Variants in TPD52 observed in about 807,000 individuals in gnomAD.
The protein encoded by TPD52 is prostate and colon associated protein.
Under a neutral mutation model 31.3 loss-of-function variants are expected in TPD52, and 17 were observed. That is an observed-to-expected ratio of 0.54 (90% CI 0.37 to 0.82). TPD52 has a LOEUF of 0.82. TPD52 is among the 40% of genes least tolerant of loss of function. The pLI is 0.00. For synonymous variants in TPD52, 83 were observed against 89.6 expected, an observed-to-expected ratio of 0.93 and a Z score of 0.42; for missense variants, 212 against 240.1, an observed-to-expected ratio of 0.88 and a Z score of 0.77.
intron 1 of TPD52, among the ~76,000 whole-genome samples, chr8:80,164,816 G>A (rs1336242447): frequency 6.1e-5 from 9 of 147,742 alleles, no homozygotes; most frequent in Middle Eastern, 3.6e-3. Flanking sequence ...CTGGGAGGCA[G>A]AGGTTGCAGT....
chr8:80,041,375 C>A (rs144334995), intron 7 of TPD52, among the ~76,000 whole-genome samples: 1 of 152,124 alleles, frequency 6.6e-6, no homozygotes, highest in Non-Finnish European at 1.5e-5. Context: ...AGATGCATTT[C>A]GTGACTCAAA....
chr8:80,137,813 C>T (rs1477410783), intron 1 of TPD52, among the ~76,000 whole-genome samples: 1 of 152,160 alleles, frequency 6.6e-6, no homozygotes, highest in East Asian at 1.9e-4. Flanking sequence ...GTAGGGTGGC[C>T]TGTAATTCCA....
In TPD52 at chr8:80,053,372, G is replaced by T. The variant is rs200095834; in HGVS notation, c.194C>A (p.Ala65Glu). Reference sequence around the variant, plus strand: ...GATTCCAAGTTTCCGCTTGATCTCTGCTAGATGCTTCTCTTTTGCTGCTAA... The same window carrying T: ...GATTCCAAGTTTCCGCTTGATCTCTTCTAGATGCTTCTCTTTTGCTGCTAA... ...QVLAAKEKHL[A>E]EIKRKLGINS... Residue 65 changes from alanine (A) to glutamate (E), a missense_variant, in exon 3 of 8, where the codon GCA becomes GAA. Transcript: ENST00000518937. The T allele has an allele frequency of 1.2e-6, 2 of 1,613,702 alleles. No individual in the cohort carries two copies. Among genetic ancestry groups the T allele is most frequent in the African/African-American group, 1.3e-5 (1 of 74,978 alleles).
At chr8:80,078,718 T>C (rs1385406471) in intron 1 of TPD52, among the ~76,000 whole-genome samples, 1 of 152,220 alleles carries the variant, frequency 6.6e-6, no homozygotes, top group Non-Finnish European at 1.5e-5. Context: ...GAGTTTGTTT[T>C]TCATTACTGT....
intron 1 of TPD52, among the ~76,000 whole-genome samples, chr8:80,132,735 C>T (rs952368690): frequency 6.6e-6 from 1 of 152,074 alleles, no homozygotes; most frequent in Non-Finnish European, 1.5e-5. Context: ...GAGCTGATGG[C>T]GCCAGAAGAT....
chr8:80,110,930 G>C (rs1807457338), intron 1 of TPD52, among the ~76,000 whole-genome samples: 1 of 152,224 alleles, frequency 6.6e-6, no homozygotes, highest in African/African-American at 2.4e-5. Flanking sequence ...TTTCGGCTGG[G>C]TGTGGGGACT....
intron 7 of TPD52, among the ~76,000 whole-genome samples, chr8:80,039,228 A>G (rs2130348634): frequency 6.6e-6 from 1 of 152,282 alleles, no homozygotes; most frequent in Middle Eastern, 3.4e-3. Flanking sequence ...TTATTAAAAC[A>G]CATTCCTTAA....
At chr8:80,119,893 G>A (rs892718477) in intron 1 of TPD52, 3 of 381,176 alleles carry the variant, frequency 7.9e-6, no homozygotes, top group African/African-American at 6.5e-5. Context: ...AGCTATAGCA[G>A]AAAACATTAG....
chr8:80,140,189 TCTC>T (rs1809730474), intron 1 of TPD52, among the ~76,000 whole-genome samples: 1 of 152,214 alleles, frequency 6.6e-6, no homozygotes, highest in African/African-American at 2.4e-5. Flanking sequence ...AGTCCTGGGT[TCTC>T]CTGATGTCAA....
At chr8:80,051,404 C>T in intron 4 of TPD52, 123 bp downstream of exon 4, 1 of 841,186 alleles carries the variant, frequency 1.2e-6, no homozygotes, top group South Asian at 1.5e-5. Flanking sequence ...GAAGGAGTGC[C>T]CTCCCTCACT....
At chr8:80,165,902 T>A (rs1037076515) in intron 1 of TPD52, among the ~76,000 whole-genome samples, 1 of 152,114 alleles carries the variant, frequency 6.6e-6, no homozygotes, top group African/African-American at 2.4e-5. Context: ...AGGGAGAAAT[T>A]TTTCCTCCCC....
chr8:80,152,562 C>A (rs1441252343), intron 1 of TPD52, among the ~76,000 whole-genome samples: 2 of 152,044 alleles, frequency 1.3e-5, no homozygotes, highest in African/African-American at 4.8e-5. Context: ...AGGTAGATCA[C>A]CTGAGGTCAG....
chr8:80,134,584 G>A (rs1283914025), intron 1 of TPD52, among the ~76,000 whole-genome samples: 1 of 152,234 alleles, frequency 6.6e-6, no homozygotes, highest in South Asian at 2.1e-4. Flanking sequence ...CACTTGTGAA[G>A]GGAGTAAAGG....
intron 1 of TPD52, among the ~76,000 whole-genome samples, chr8:80,077,465 T>C (rs1363883205): frequency 1.3e-5 from 2 of 152,140 alleles, no homozygotes; most frequent in Admixed American, 1.3e-4. Flanking sequence ...GCGTATAAAG[T>C]ATCAACAAAT....
chr8:80,072,436 C>T (rs200329319), intron 1 of TPD52, among the ~76,000 whole-genome samples: 1,987 of 74,440 alleles, frequency 0.027, 56 homozygotes, highest in African/African-American at 0.1. Context: ...CATAGATATG[C>T]GTGTATATAC....
chr8:80,162,603 A>G (rs1811433006), intron 1 of TPD52, among the ~76,000 whole-genome samples: 3 of 151,966 alleles, frequency 2.0e-5, no homozygotes, highest in African/African-American at 4.8e-5. Context: ...AGTCTGGACA[A>G]AAGAGAAAGA....
chr8:80,131,916 A>T (rs1008172918), intron 1 of TPD52, among the ~76,000 whole-genome samples: 1 of 149,432 alleles, frequency 6.7e-6, no homozygotes, highest in Non-Finnish European at 1.5e-5. Context: ...AGAACTAGGG[A>T]TGCAAACCCA....
chr8:80,110,890 C>T (rs1325102761), intron 1 of TPD52, among the ~76,000 whole-genome samples: 1 of 152,200 alleles, frequency 6.6e-6, no homozygotes, highest in Non-Finnish European at 1.5e-5. Flanking sequence ...TGCTGCTACC[C>T]TATCCATCAA....
At chr8:80,157,508 C>T (rs929988217) in intron 1 of TPD52, among the ~76,000 whole-genome samples, 5 of 152,074 alleles carry the variant, frequency 3.3e-5, no homozygotes, top group Admixed American at 6.6e-5. Flanking sequence ...AAGCACTGAC[C>T]GACTCTCAGG....
Sources: gnomAD v4.1 joint callset for allele counts (sites outside exome capture counted in the v4.1 genomes callset) on GRCh38, gnomAD v4.1.1 for gene constraint, MANE v1.5 for transcripts, NCBI Gene and HGNC (gene_info 2026-07-23, HGNC 2026-07-21) for gene names.